The following GRM5 variants were observed in gnomAD, a reference collection of about 807,000 sequenced individuals.
GRM5 encodes metabotropic glutamate receptor 5.
GRM5 carries 19 observed loss-of-function variants against 83.1 expected under a neutral mutation model. The observed-to-expected ratio is 0.23, with a 90% CI of 0.16 to 0.34. The LOEUF (loss-of-function observed/expected upper bound fraction) is 0.34, where lower values mean the gene tolerates loss of function less well. GRM5 is among the 10% of genes least tolerant of loss of function. GRM5 has a pLI of 1.00. For missense variants in GRM5, 1,160 were observed against 1,588.3 expected (o/e 0.73, Z 4.58); for synonymous variants, 675 against 633.6 (o/e 1.07, Z -0.98).
At chr11:88,802,956 T>G (rs1188199404) in intron 3 of GRM5, among the ~76,000 whole-genome samples, 2 of 148,946 alleles carry the variant, frequency 1.3e-5, no homozygotes, top group African/African-American at 2.5e-5. Context: ...GAGAATAAAC[T>G]ACCTAGGAAT....
intron 3 of GRM5, among the ~76,000 whole-genome samples, chr11:88,830,945 C>A (rs560098627): frequency 6.6e-6 from 1 of 152,052 alleles, no homozygotes; most frequent in Non-Finnish European, 1.5e-5. Flanking sequence ...ATTATAGTAA[C>A]CAGATCTCAT....
chr11:88,518,716 T>C (rs958510905), intron 9 of GRM5, among the ~76,000 whole-genome samples: 5 of 151,938 alleles, frequency 3.3e-5, no homozygotes, highest in African/African-American at 1.2e-4. Flanking sequence ...TTATTATTGG[T>C]ATCACAGATT....
intron 2 of GRM5, among the ~76,000 whole-genome samples, chr11:88,923,769 A>G (rs1239160597): frequency 6.6e-6 from 1 of 151,822 alleles, no homozygotes; most frequent in Non-Finnish European, 1.5e-5. Flanking sequence ...CTCTGATTTG[A>G]TTATTATGCA....
chr11:88,989,449 C>G (rs1195827210), intron 2 of GRM5, among the ~76,000 whole-genome samples: 3 of 111,238 alleles, frequency 2.7e-5, no homozygotes, highest in Non-Finnish European at 6.2e-5. Context: ...TTAGACAGAT[C>G]AACAAGACAG....
At chr11:89,053,518 T>C (rs574829277) in intron 1 of GRM5, among the ~76,000 whole-genome samples, 133 of 152,220 alleles carry the variant, frequency 8.7e-4, no homozygotes, top group Non-Finnish European at 1.5e-3. Context: ...TCTATAAATG[T>C]TTATTCAGTA....
At chr11:88,997,001 G>T (rs2135060736) in intron 2 of GRM5, among the ~76,000 whole-genome samples, 1 of 152,280 alleles carries the variant, frequency 6.6e-6, no homozygotes. Context: ...GCTGAGAAAT[G>T]AATAGCATTA....
chr11:89,051,915 T>G (rs1359534554), intron 1 of GRM5, among the ~76,000 whole-genome samples: 1 of 152,140 alleles, frequency 6.6e-6, no homozygotes, highest in Non-Finnish European at 1.5e-5. Context: ...CAGTAGATAT[T>G]GAGAAAAGTG....
intron 3 of GRM5, among the ~76,000 whole-genome samples, chr11:88,691,772 GTTCTGTTA>G (rs1940786192): frequency 1.3e-5 from 2 of 152,106 alleles, no homozygotes; most frequent in South Asian, 4.1e-4. Flanking sequence ...TCAGGATTCT[GTTCTGTTA>G]TTCTATCATA....
intron 3 of GRM5, among the ~76,000 whole-genome samples, chr11:88,725,597 C>G (rs745514577): frequency 6.6e-6 from 1 of 152,148 alleles, no homozygotes; most frequent in Admixed American, 6.5e-5. Context: ...CTGGGAGACA[C>G]CTCCCATCAG....
At chr11:88,977,763 T>C (rs1431116422) in intron 2 of GRM5, among the ~76,000 whole-genome samples, 1 of 152,198 alleles carries the variant, frequency 6.6e-6, no homozygotes, top group African/African-American at 2.4e-5. Flanking sequence ...CCACTTGCTA[T>C]AGAGGGAAAG....
rs189229849 is a variant in GRM5 at position 89,045,129 on chromosome 11, G to T, written c.661+2083C>A. 8.9e-4 allele frequency among the ~76,000 whole-genome samples: 136 copies of T among 152,230 alleles called. 1 individual carries two copies. The highest frequency in any genetic ancestry group is 3.2e-3 in the African/African-American group (132 of 41,546). On this transcript the variant is annotated intron_variant, in intron 2 of 9. Coordinates refer to ENST00000305447, the MANE Select transcript of GRM5 (RefSeq NM_001143831.3). ...CAACCTTTGAATGTCCAATTCCAAG[G>T]TTTGTTCTCTCCTGAATCCTGGTGG...
chr11:88,873,172 A>G (rs1944797975), intron 2 of GRM5, among the ~76,000 whole-genome samples: 1 of 151,696 alleles, frequency 6.6e-6, no homozygotes, highest in East Asian at 1.9e-4. Context: ...AAATATAAAT[A>G]TACATGCACT....
At chr11:88,937,067 G>A (rs752356825) in intron 2 of GRM5, among the ~76,000 whole-genome samples, 11 of 151,476 alleles carry the variant, frequency 7.3e-5, no homozygotes, top group Non-Finnish European at 1.3e-4. Context: ...ATTGTTGAGA[G>A]TAATTTAAAA....
chr11:88,933,254 T>A (rs2135651445), intron 2 of GRM5, among the ~76,000 whole-genome samples: 1 of 138,772 alleles, frequency 7.2e-6, no homozygotes, highest in South Asian at 2.4e-4. Context: ...TGTGTTATCC[T>A]TCTCCTCAAG....
chr11:88,539,162 C>T (rs770590681), intron 8 of GRM5, among the ~76,000 whole-genome samples: 4 of 152,268 alleles, frequency 2.6e-5, no homozygotes, highest in South Asian at 2.1e-4. Flanking sequence ...CAGTGGTGCT[C>T]GATGGAAGCA....
chr11:88,949,426 G>A (rs1038389994), intron 2 of GRM5, among the ~76,000 whole-genome samples: 13 of 152,278 alleles, frequency 8.5e-5, no homozygotes, highest in Middle Eastern at 3.4e-3. Context: ...CATACCCATT[G>A]TGTGTCGTTT....
intron 2 of GRM5, among the ~76,000 whole-genome samples, chr11:88,873,774 A>T (rs866990759): frequency 6.6e-6 from 1 of 151,746 alleles, no homozygotes; most frequent in Admixed American, 6.6e-5. Flanking sequence ...AAGATTCCAA[A>T]GAAATAAGCA....
At chr11:89,030,502 C>A (rs1941237994) in intron 2 of GRM5, among the ~76,000 whole-genome samples, 1 of 151,944 alleles carries the variant, frequency 6.6e-6, no homozygotes, top group African/African-American at 2.4e-5. Context: ...TGTCTTTGTG[C>A]CTTCATTTCC....
At chr11:88,720,339 A>T (rs559124727) in intron 3 of GRM5, among the ~76,000 whole-genome samples, 4 of 152,020 alleles carry the variant, frequency 2.6e-5, no homozygotes, top group Non-Finnish European at 5.9e-5. Flanking sequence ...CTGAGTGCAG[A>T]TATGTTTTCC....
Sources: allele counts gnomAD v4.1 joint callset (sites outside exome capture counted in the v4.1 genomes callset), GRCh38; gene constraint gnomAD v4.1.1; transcripts MANE v1.5; gene names NCBI Gene and HGNC (gene_info 2026-07-23, HGNC 2026-07-21).